The following DDAH1 variants were observed in gnomAD, a reference collection of about 807,000 sequenced individuals.
DDAH1 encodes N(G),N(G)-dimethylarginine dimethylaminohydrolase 1.
A neutral mutation model predicts 28.8 loss-of-function variants in DDAH1; 19 were observed. The observed-to-expected ratio is 0.66, with a 90% confidence interval of 0.46 to 0.97. The LOEUF (loss-of-function observed/expected upper bound fraction) is 0.97. Ranked by LOEUF, DDAH1 falls within the 50% of genes least tolerant of loss-of-function variation. DDAH1 has a pLI of 0.00. For missense variants in DDAH1, 326 were observed against 375.9 expected, an observed-to-expected ratio of 0.87 and a Z score of 1.10; for synonymous variants, 153 against 154.4, an observed-to-expected ratio of 0.99 and a Z score of 0.07.
intron 1 of DDAH1, among the ~76,000 whole-genome samples, chr1:85,380,787 T>C (rs983706647): frequency 3.9e-5 from 6 of 152,218 alleles, no homozygotes; most frequent in Non-Finnish European, 7.3e-5. Context: ...GCTGCACATA[T>C]ATTAATGTGG....
At chr1:85,485,160 G>A (rs1262768346) in intron 2 of DDAH1, among the ~76,000 whole-genome samples, 4 of 152,134 alleles carry the variant, frequency 2.6e-5, no homozygotes, top group Admixed American at 2.6e-4. Context: ...AGAAAATAAG[G>A]ATACTCAGGT....
intron 1 of DDAH1, among the ~76,000 whole-genome samples, chr1:85,496,970 A>T (rs1342432879): frequency 6.6e-6 from 1 of 152,262 alleles, no homozygotes; most frequent in African/African-American, 2.4e-5. Flanking sequence ...TGCATAAAGG[A>T]ACAAAGGCTA....
intron 1 of DDAH1, among the ~76,000 whole-genome samples, chr1:85,533,391 A>T (rs1401697267): frequency 1.3e-5 from 2 of 152,048 alleles, no homozygotes; most frequent in African/African-American, 4.8e-5. Flanking sequence ...GGGTGGCCTC[A>T]AACTATCCTC....
At chr1:85,445,348 T>G (rs1654386157) in intron 1 of DDAH1, among the ~76,000 whole-genome samples, 2 of 152,020 alleles carry the variant, frequency 1.3e-5, no homozygotes. Context: ...ATTCAGGAGT[T>G]TTAAGCATAC....
chr1:85,534,182 A>G (rs1658189362), intron 1 of DDAH1, among the ~76,000 whole-genome samples: 2 of 152,218 alleles, frequency 1.3e-5, no homozygotes, highest in South Asian at 4.1e-4. Flanking sequence ...GACAGAAGTT[A>G]TCTGCCACAA....
chr1:85,408,985 A>T lies in DDAH1; in HGVS notation c.304-50138T>A, dbSNP rs79972394. Among the ~76,000 whole-genome samples, 226 of 152,072 alleles carry T rather than the reference A, an allele frequency of 1.5e-3. 4 individuals are homozygous for T. The East Asian group carries it at 0.04, about 27-fold the overall frequency. ...TAACTCTTAAAGACCTTCCAACTTC[A>T]CCCCTCCTTTCCATTCCCACAGTAA... On this transcript the variant is annotated intron_variant, in intron 1 of 5. Coordinates refer to ENST00000284031, the MANE Select transcript of DDAH1 (RefSeq NM_012137.4).
intron 1 of DDAH1, among the ~76,000 whole-genome samples, chr1:85,388,903 A>T (rs1242717060): frequency 6.6e-6 from 1 of 152,226 alleles, no homozygotes; most frequent in Admixed American, 6.5e-5. Context: ...GACGACCCCT[A>T]AGAGGCTATG....
At chr1:85,572,706 C>T (rs987891244) in intron 1 of DDAH1, among the ~76,000 whole-genome samples, 4 of 152,208 alleles carry the variant, frequency 2.6e-5, no homozygotes, top group Non-Finnish European at 5.9e-5. Context: ...GCATTTTTTA[C>T]CTCTCTGATT....
intron 1 of DDAH1, among the ~76,000 whole-genome samples, chr1:85,499,131 TGCTATAGAGTTTATAA>T (rs1656704673): frequency 1.7e-5 from 2 of 117,246 alleles, no homozygotes; most frequent in African/African-American, 6.9e-5. Flanking sequence ...CAAGAACTAA[TGCTATAGAGTTTATAA>T]AAGAGATGCT....
chr1:85,533,178 G>A (rs1658149726), intron 1 of DDAH1, among the ~76,000 whole-genome samples: 1 of 152,066 alleles, frequency 6.6e-6, no homozygotes, highest in South Asian at 2.1e-4. Flanking sequence ...AAGACACCAA[G>A]TATTAATTTT....
intron 1 of DDAH1, among the ~76,000 whole-genome samples, chr1:85,401,687 G>C (rs1003259298): frequency 6.6e-6 from 1 of 151,522 alleles, no homozygotes; most frequent in African/African-American, 2.4e-5. Flanking sequence ...TTTTTTTGTA[G>C]AGATGGGGTT....
intron 1 of DDAH1, among the ~76,000 whole-genome samples, chr1:85,456,978 C>T (rs506733): frequency 0.69 from 104,580 of 152,088 alleles, 36,679 homozygotes; most frequent in African/African-American, 0.84. Flanking sequence ...CAAACTGTGC[C>T]AGTCAGGAAT....
chr1:85,341,832 AAAAC>A (rs1265888418), intron 4 of DDAH1, among the ~76,000 whole-genome samples: 2 of 147,110 alleles, frequency 1.4e-5, no homozygotes, highest in African/African-American at 4.9e-5. Context: ...AACAAAGAGA[AAAAC>A]AAAAACAAAA....
At chr1:85,340,811 G>A (rs1334906110) in intron 4 of DDAH1, among the ~76,000 whole-genome samples, 2 of 151,810 alleles carry the variant, frequency 1.3e-5, no homozygotes, top group East Asian at 1.9e-4. Context: ...AGGAAACCCC[G>A]ATTTCATTGG....
At chr1:85,513,945 C>T (rs564933032) in intron 1 of DDAH1, among the ~76,000 whole-genome samples, 49 of 152,262 alleles carry the variant, frequency 3.2e-4, no homozygotes, top group Admixed American at 1.1e-3. Context: ...GACAGTGTGG[C>T]GATTCCTCAA....
intron 1 of DDAH1, among the ~76,000 whole-genome samples, chr1:85,463,479 C>T (rs141969482): frequency 2.7e-3 from 415 of 152,294 alleles, no homozygotes; most frequent in Middle Eastern, 0.014. Flanking sequence ...AAGAGTGGGA[C>T]ATCTCACAGA....
At chr1:85,485,825 G>A (rs539637827) in intron 2 of DDAH1, among the ~76,000 whole-genome samples, 1 of 152,304 alleles carries the variant, frequency 6.6e-6, no homozygotes, top group South Asian at 2.1e-4. Context: ...TGGGGTTCAA[G>A]CATTTATTTT....
At chr1:85,492,885 A>G (rs1185235414) in intron 2 of DDAH1, among the ~76,000 whole-genome samples, 2 of 152,102 alleles carry the variant, frequency 1.3e-5, no homozygotes, top group Non-Finnish European at 1.5e-5. Flanking sequence ...CATTTTCTTC[A>G]TTAGACTATG....
chr1:85,444,573 G>A (rs527804405), intron 1 of DDAH1, among the ~76,000 whole-genome samples: 26 of 152,318 alleles, frequency 1.7e-4, no homozygotes, highest in Non-Finnish European at 2.6e-4. Context: ...CTGTGTCAAA[G>A]TTCCACCTAC....
Sources: allele counts gnomAD v4.1 joint callset (sites outside exome capture counted in the v4.1 genomes callset), GRCh38; gene constraint gnomAD v4.1.1; transcripts MANE v1.5; gene names NCBI Gene and HGNC (gene_info 2026-07-23, HGNC 2026-07-21).